CRYBG2: variants seen among roughly 807,000 people sequenced by gnomAD.
CRYBG2 encodes crystallin beta-gamma domain containing 2.
In CRYBG2, 106 loss-of-function variants were observed where a neutral mutation model predicts 153.4. The observed-to-expected ratio is 0.69, with a 90% CI of 0.59 to 0.81. The LOEUF (loss-of-function observed/expected upper bound fraction) is 0.81. Ranked by LOEUF, CRYBG2 falls within the 30% of genes least tolerant of loss-of-function variation. The pLI is 0.00. For missense variants in CRYBG2, 1,996 were observed against 2,112.0 expected (o/e 0.95, Z 1.08); for synonymous variants, 851 against 877.8 (o/e 0.97, Z 0.54).
chr1:26,329,729 G>A (rs1015359609), intron 15 of CRYBG2, among the ~76,000 whole-genome samples: 2 of 151,858 alleles, frequency 1.3e-5, no homozygotes, highest in Middle Eastern at 3.4e-3. Flanking sequence ...GCCTTAGCCT[G>A]CTGAAGTGCT....
rs772173948 is a variant in CRYBG2, at chr1:26,344,318, G to C, written c.2340C>G (p.Leu780=). Residue 780 remains leucine (L), a synonymous_variant, in exon 2 of 20, where the codon CTC becomes CTG. Transcript: ENST00000308182. ...TLRSMEPPEI[L]RTHRLPRAPR... ...GGGCTCGTGGCAGCCGGTGAGTGCG[G>C]AGGATCTCAGGGGGCTCCATGCTCC... 2.1e-5 allele frequency: 32 copies of C among 1,507,034 alleles called. No homozygotes were observed. The highest frequency in any genetic ancestry group is 1.7e-4 in the Middle Eastern group (1 of 5,806). The allele number at this position is 1,507,034 out of a possible 1,614,324, so 93.4% of individuals were successfully genotyped here.
intron 1 of CRYBG2, among the ~76,000 whole-genome samples, chr1:26,348,659 G>A (rs1001211724): frequency 4.9e-4 from 75 of 152,122 alleles, no homozygotes; most frequent in African/African-American, 1.7e-3. Flanking sequence ...AGGTTCAAGC[G>A]ATTCTCCTGC....
At chr1:26,347,293 T>TTTG (rs1553169236) in intron 1 of CRYBG2, among the ~76,000 whole-genome samples, 3 of 133,988 alleles carry the variant, frequency 2.2e-5, no homozygotes, top group Non-Finnish European at 4.8e-5. Flanking sequence ...CGTTTTTTTT[T>TTTG]TTTTTTTTTT....
intron 9 of CRYBG2, 76 bp downstream of exon 9, chr1:26,337,462 C>A (rs200969013): frequency 1.3e-6 from 2 of 1,599,610 alleles, no homozygotes; most frequent in South Asian, 1.1e-5. Context: ...CACCCCTACG[C>A]AGCCCAGGTC....
At position 26,345,840 on chromosome 1, in the gene CRYBG2, G is replaced by C. The variant is rs747812440; in HGVS notation, c.818C>G (p.Ala273Gly). Residue 273 changes from alanine to glycine, a missense_variant, in exon 2 of 20, where the codon GCC becomes GGC. By Grantham distance (60) the Ala-to-Gly change is moderately conservative. Coordinates refer to ENST00000308182, the MANE Select transcript of CRYBG2 (RefSeq NM_001039775.4). ...STGLGSTVGA[A>G]LRQLPETGTA... is the part of the protein sequence containing the mutation. ...CCCGGTCTCAGGCAGCTGCCTCAAGGCTGCCCCCACTGTGCTGCCCAGACC... is the reference window on the plus strand; with the variant it reads ...CCCGGTCTCAGGCAGCTGCCTCAAGCCTGCCCCCACTGTGCTGCCCAGACC... 7.5e-6 allele frequency: 12 copies of C among 1,596,590 alleles called. No individual in the cohort carries two copies.
At position 26,344,189 on chromosome 1, in the gene CRYBG2, CAGTG is replaced by C; in HGVS notation, c.2465_2468del (p.Ser822TrpfsTer17). 1 of 1,535,754 alleles carries C rather than the reference CAGTG, an allele frequency of 6.5e-7. No individual in the cohort carries two copies. Among genetic ancestry groups the C allele is most frequent in the Non-Finnish European group, 8.7e-7 (1 of 1,146,640 alleles). On this transcript the variant is annotated frameshift_variant, in exon 2 of 20. Transcript: ENST00000308182. LOFTEE classifies it high-confidence loss of function. Reference sequence around the variant, plus strand: ...CCTCCTCCTCCTCCTCTTTCTCTTCCAGTGAAGGCACCTCCTGGGGTCCGGGGCC... The same window carrying C: ...CCTCCTCCTCCTCCTCTTTCTCTTCCAAGGCACCTCCTGGGGTCCGGGGCC...
At position 26,346,818 on chromosome 1, in the gene CRYBG2, C is replaced by T. The variant is rs552494141; in HGVS notation, c.-55-106G>A. 99 of 706,870 alleles carry T rather than the reference C, an allele frequency of 1.4e-4. No homozygotes were observed. Among genetic ancestry groups the T allele is most frequent in the Middle Eastern group, 8.1e-4 (2 of 2,460 alleles). 43.8% of individuals were successfully genotyped at this position (706,870 alleles called of 1,614,324 possible). ...GTCAGGCTGGGAACCTCAGGCAAAT[C>T]GCTTGGCCTTTTTGGGCCATTGCTT... On this transcript the variant is annotated intron_variant, in intron 1 of 19. Coordinates refer to ENST00000308182, the MANE Select transcript of CRYBG2 (RefSeq NM_001039775.4). This position sits in a 1 kb window ranked among gnomAD's most constrained non-coding sequence, Gnocchi z 4.9.
intron 6 of CRYBG2, among the ~76,000 whole-genome samples, 199 bp from the exon 7 acceptor site, chr1:26,338,676 G>C (rs1347265069): frequency 1.3e-5 from 2 of 152,142 alleles, no homozygotes; most frequent in African/African-American, 4.8e-5. Context: ...AGCAGCTGGA[G>C]CATTTTTCTC....
At position 26,337,289 on chromosome 1, in the gene CRYBG2, A is replaced by G. The variant is rs1400430106; in HGVS notation, c.3735T>C (p.Tyr1245=). The change falls in exon 10 of 20, where the codon TAT becomes TAC. Residue 1245 remains tyrosine (Y), a synonymous_variant. Transcript: ENST00000308182. ...EYPDWSHWGG[Y]DELLTSLRVI... ...CCCGGAGGGAGGTCAGCAACTCGTC[A>G]TAGCCTCCCCAGTGTGACCAGTCTG... The G allele has an allele frequency of 6.2e-7, 1 of 1,614,048 alleles. No individual in the cohort carries two copies. The highest frequency in any genetic ancestry group is 8.5e-7 in the Non-Finnish European group (1 of 1,179,980).
In CRYBG2 at chr1:26,345,346, C is replaced by T. The variant is rs536926102; in HGVS notation, c.1312G>A (p.Ala438Thr). ...KDVPSPGGLS[A>T]PSSPRNKFVQ... is the part of the protein sequence containing the mutation. Reference sequence around the variant, plus strand: ...AACTTATTCCTTGGGGACGATGGAGCAGAAAGACCTCCTGGGCTGGGGACA... The same window carrying T: ...AACTTATTCCTTGGGGACGATGGAGTAGAAAGACCTCCTGGGCTGGGGACA... The change falls in exon 2 of 20, where the codon GCT becomes ACT. Residue 438 changes from alanine (A) to threonine (T), a missense_variant. Coordinates refer to ENST00000308182, the MANE Select transcript of CRYBG2 (RefSeq NM_001039775.4). 42 of 1,613,458 alleles carry T rather than the reference C, an allele frequency of 2.6e-5. No homozygotes were observed. In the East Asian group the frequency reaches 9.1e-4, roughly 35 times the overall value.
chr1:26,343,324 T>C lies in CRYBG2; in HGVS notation c.2914-31A>G, dbSNP rs772948504. On this transcript the variant is annotated intron_variant, in intron 2 of 19. Coordinates refer to ENST00000308182, the MANE Select transcript of CRYBG2 (RefSeq NM_001039775.4). The surrounding 1 kb of genome is among the most constrained non-coding windows in gnomAD (Gnocchi z 4.1). ...ACGGAGGCAGGTGATAAAGAAGTCC[T>C]GTGGGGTCACCTCTTTTCTGCCTCC... 1.3e-6 allele frequency: 2 copies of C among 1,549,734 alleles called. No homozygotes were observed. The highest frequency in any genetic ancestry group is 2.4e-5 in the South Asian group (2 of 84,044).
rs528591123 is a variant in CRYBG2 at position 26,345,234 on chromosome 1, G to A, written c.1424C>T (p.Pro475Leu). 6.5e-7 allele frequency: 1 copy of A among 1,535,728 alleles called. No individual in the cohort carries two copies. Among genetic ancestry groups the A allele is most frequent in the South Asian group, 1.2e-5 (1 of 85,698 alleles). ...KGPGAPAASS[P>L]TRKEVVQGSS... Reference sequence around the variant, plus strand: ...CCCCTGCACCACCTCCTTCCGGGTGGGAGATGAGGCAGCAGGAGCACCGGG... The same window carrying A: ...CCCCTGCACCACCTCCTTCCGGGTGAGAGATGAGGCAGCAGGAGCACCGGG... The change falls in exon 2 of 20, where the codon CCC becomes CTC. Residue 475 changes from proline (P) to leucine (L), a missense_variant. Physicochemically the swap from Pro to Leu is moderately conservative, Grantham distance 98. Coordinates refer to ENST00000308182, the MANE Select transcript of CRYBG2 (RefSeq NM_001039775.4).
rs1330307297 is a variant in CRYBG2 at position 26,343,142 on chromosome 1, C to T, written c.2979G>A (p.Glu993=). 3 of 1,550,508 alleles carry T rather than the reference C, an allele frequency of 1.9e-6. No individual in the cohort carries two copies. The highest frequency in any genetic ancestry group is 2.6e-6 in the Non-Finnish European group (3 of 1,147,000). ...TRPGKVIFFS[E]SGCQGSGREV... is the part of the protein sequence containing the mutation. ...CCCTGCCACTGCCTTGGCAGCCAGA[C>T]TCTGAGAAGAAGATCACCTGAGAAG... The change falls in exon 4 of 20, where the codon GAG becomes GAA. Residue 993 remains glutamate, a synonymous_variant. Transcript: ENST00000308182. This position sits in a 1 kb window ranked among gnomAD's most constrained non-coding sequence, Gnocchi z 4.1.
At position 26,342,725 on chromosome 1, in the gene CRYBG2, A is replaced by G. The variant is rs369826324; in HGVS notation, c.3204+29T>C. On this transcript the variant is annotated intron_variant, in intron 5 of 19. Transcript: ENST00000308182. ...CGGGGATTTCAACTCTAGGCACTCG[A>G]GGCCGTCTCCCACCTCCAACTCACT... The G allele has an allele frequency of 1.3e-5, 21 of 1,607,562 alleles. No individual in the cohort carries two copies. In the African/African-American group the frequency reaches 2.7e-4, roughly 20 times the overall value.
At chr1:26,347,874 C>A (rs1402173028) in intron 1 of CRYBG2, among the ~76,000 whole-genome samples, 4 of 152,202 alleles carry the variant, frequency 2.6e-5, no homozygotes, top group Non-Finnish European at 5.9e-5. Flanking sequence ...GATCCTCCCA[C>A]CTTGGCCTTC....
chr1:26,328,659 C>T, intron 16 of CRYBG2, 75 bp downstream of exon 16: 1 of 1,520,882 alleles, frequency 6.6e-7, no homozygotes, highest in Non-Finnish European at 8.9e-7. Flanking sequence ...AGGCCAGAGA[C>T]CCCCAGGATC....
At position 26,346,048 on chromosome 1, in the gene CRYBG2, C is replaced by A. The variant is rs368402676; in HGVS notation, c.610G>T (p.Gly204Cys). The A allele has an allele frequency of 7.5e-6, 12 of 1,590,236 alleles. No individual in the cohort carries two copies. The highest frequency in any genetic ancestry group is 1.0e-5 in the Non-Finnish European group (12 of 1,175,270). ...SSVTVRPVSS[G>C]EALPRGRQVS... ...TGACGGCCCCGTGGCAGGGCCTCGC[C>A]TGAGGACACTGGCCTCACAGTCACA... Residue 204 changes from glycine (G) to cysteine (C), a missense_variant, in exon 2 of 20, where the codon GGC becomes TGC. Physicochemically the swap from Gly to Cys is radical, Grantham distance 159. Coordinates refer to ENST00000308182, the MANE Select transcript of CRYBG2 (RefSeq NM_001039775.4). This position sits in a 1 kb window ranked among gnomAD's most constrained non-coding sequence, Gnocchi z 4.9.
chr1:26,330,267 G>C (rs1283254244), intron 15 of CRYBG2, among the ~76,000 whole-genome samples: 1 of 152,104 alleles, frequency 6.6e-6, no homozygotes, highest in Non-Finnish European at 1.5e-5. Flanking sequence ...TAATAGGGAG[G>C]AAACAGGCTG....
At chr1:26,350,645 G>A (rs2074276146) in intron 1 of CRYBG2, among the ~76,000 whole-genome samples, 1 of 152,070 alleles carries the variant, frequency 6.6e-6, no homozygotes, top group Non-Finnish European at 1.5e-5. Context: ...TCCTATAACT[G>A]AGTCTCTGGT....
Sources: gnomAD v4.1 joint callset for allele counts (sites outside exome capture counted in the v4.1 genomes callset) on GRCh38, gnomAD v4.1.1 for gene constraint, Gnocchi (gnomAD v3.1) non-coding constraint, MANE v1.5 for transcripts, NCBI Gene and HGNC (gene_info 2026-07-23, HGNC 2026-07-21) for gene names.